The following GABRA3 variants were observed in gnomAD, a reference collection of about 807,000 sequenced individuals.
GABRA3 encodes the protein gamma-aminobutyric acid type A receptor subunit alpha3.
In GABRA3, 10 loss-of-function variants were observed where a neutral mutation model predicts 30.1. The observed-to-expected ratio is 0.33, with a 90% CI of 0.20 to 0.56. GABRA3 has a LOEUF of 0.56. Among genes scored for constraint, GABRA3 ranks in the 20% least tolerant of loss-of-function variants. The pLI is 0.89. For missense variants in GABRA3, 233 were observed against 392.0 expected (o/e 0.59, Z 3.42); for synonymous variants, 151 against 146.8 (o/e 1.03, Z -0.21).
chrX:152,256,051 CA>C, intron 4 of GABRA3, 53 bp from the exon 5 acceptor site: 6 of 905,674 alleles, frequency 6.6e-6, no homozygotes, highest in African/African-American at 1.9e-5. Context: ...GGTAAGGGCT[CA>C]TAGTGCCCTT....
At chrX:152,417,919 A>T (rs1443962702) in intron 1 of GABRA3, among the ~76,000 whole-genome samples, 1 of 99,416 alleles carries the variant, frequency 1.0e-5, no homozygotes, top group Non-Finnish European at 2.0e-5. Flanking sequence ...AGATATACCT[A>T]ATGCTAGATG....
intron 5 of GABRA3, among the ~76,000 whole-genome samples, chrX:152,225,431 C>CGT (rs1491327935): frequency 1.7e-4 from 3 of 17,780 alleles, no homozygotes; most frequent in African/African-American, 4.5e-4. Flanking sequence ...CACACACACA[C>CGT]GCACACACAC....
chrX:152,444,748 G>GTTTTTTTT (rs1569426323), intron 1 of GABRA3, among the ~76,000 whole-genome samples: 1 of 47,725 alleles, frequency 2.1e-5, no homozygotes, highest in Admixed American at 3.4e-4. Context: ...TTTTTTTTTT[G>GTTTTTTTT]TTTTTTTTTG....
At chrX:152,320,225 C>G (rs758013878) in intron 3 of GABRA3, among the ~76,000 whole-genome samples, 3 of 111,576 alleles carry the variant, frequency 2.7e-5, no homozygotes, top group Non-Finnish European at 5.7e-5. Context: ...TACTGGATAT[C>G]TACCCAGAAA....
At chrX:152,233,094 C>A (rs192612290) in intron 5 of GABRA3, among the ~76,000 whole-genome samples, 1 of 110,735 alleles carries the variant, frequency 9.0e-6, no homozygotes, top group African/African-American at 3.3e-5. Flanking sequence ...GGCATTTTAT[C>A]ATGTTTATTG....
Position 152,302,546 on chromosome X carries a change from G to A in GABRA3, c.263-17811C>T, listed in dbSNP as rs540747344. Among the ~76,000 whole-genome samples the A allele has an allele frequency of 1.3e-4, 14 of 111,257 alleles. No homozygotes were observed. In the South Asian group the frequency reaches 5.4e-3, roughly 43 times the overall value. ...ACAAAATTCAGTTATGTTTTATATA[G>A]AGCTTATAAACATAGCCTGAAGGTA... On this transcript the variant is annotated intron_variant, in intron 3 of 9. Coordinates refer to ENST00000370314, the MANE Select transcript of GABRA3 (RefSeq NM_000808.4).
At chrX:152,381,929 T>A (rs1287480103) in intron 1 of GABRA3, among the ~76,000 whole-genome samples, 1 of 111,700 alleles carries the variant, frequency 9.0e-6, no homozygotes, top group Non-Finnish European at 1.9e-5. Flanking sequence ...ATGCGCCACA[T>A]TTTCTTTATC....
At chrX:152,259,763 T>A (rs992207213) in intron 4 of GABRA3, among the ~76,000 whole-genome samples, 3 of 111,435 alleles carry the variant, frequency 2.7e-5, no homozygotes, top group African/African-American at 9.8e-5. Flanking sequence ...GGCCTTGGAT[T>A]AGGCTCTGAG....
chrX:152,284,846 G>A (rs1403419840), intron 3 of GABRA3, 111 bp from the exon 4 acceptor site: 2 of 450,690 alleles, frequency 4.4e-6, no homozygotes, highest in Non-Finnish European at 7.3e-6. Context: ...TTCTGAGAAA[G>A]GAAAACCCCT....
chrX:152,185,449 C>A (rs2124342783), intron 9 of GABRA3, among the ~76,000 whole-genome samples: 1 of 111,421 alleles, frequency 9.0e-6, no homozygotes, highest in South Asian at 3.8e-4. Flanking sequence ...ATGTCTAGCT[C>A]TAGAGTTTCT....
chrX:152,306,741 C>A (rs746856043), intron 3 of GABRA3, among the ~76,000 whole-genome samples: 1 of 112,206 alleles, frequency 8.9e-6, no homozygotes, highest in Non-Finnish European at 1.9e-5. Flanking sequence ...AAATACACTG[C>A]CAATCTGCCA....
intron 3 of GABRA3, among the ~76,000 whole-genome samples, chrX:152,296,295 T>A (rs1939526238): frequency 1.8e-5 from 2 of 112,265 alleles, no homozygotes; most frequent in African/African-American, 6.5e-5. Flanking sequence ...CAGTGACTTA[T>A]GTACAAGCTC....
chrX:152,261,217 A>G (rs1938723416), intron 4 of GABRA3, among the ~76,000 whole-genome samples: 2 of 111,421 alleles, frequency 1.8e-5, no homozygotes, highest in Admixed American at 9.5e-5. Context: ...GGGAACTAAA[A>G]TTCAAGATGA....
chrX:152,338,249 A>G (rs1381427976), intron 3 of GABRA3, among the ~76,000 whole-genome samples: 1 of 111,762 alleles, frequency 8.9e-6, no homozygotes, highest in African/African-American at 3.3e-5. Context: ...ATGATATATA[A>G]CTGTAGTTTC....
Position 152,188,694 on chromosome X carries a change from A to G in GABRA3, c.1143+1036T>C, listed in dbSNP as rs1322152929. 2.7e-5 allele frequency among the ~76,000 whole-genome samples: 3 copies of G among 112,020 alleles called. No individual in the cohort carries two copies. The East Asian group carries it at 8.4e-4, about 31-fold the overall frequency. On this transcript the variant is annotated intron_variant, in intron 9 of 9. Transcript: ENST00000370314. Reference sequence around the variant, plus strand: ...AGCAAGGAGTTAATAAATTTTATCTAAATAGTTAAAAATTGTTCAAAAATT... The same window carrying G: ...AGCAAGGAGTTAATAAATTTTATCTGAATAGTTAAAAATTGTTCAAAAATT...
intron 4 of GABRA3, among the ~76,000 whole-genome samples, chrX:152,280,828 G>A (rs561888270): frequency 3.4e-3 from 381 of 110,661 alleles, no homozygotes; most frequent in South Asian, 0.012. Context: ...CTGGGGAGAG[G>A]GTGAGGTTAA....
intron 1 of GABRA3, among the ~76,000 whole-genome samples, chrX:152,385,787 A>G: frequency 9.0e-6 from 1 of 110,803 alleles, no homozygotes; most frequent in African/African-American, 3.3e-5. Context: ...TAAGGAAGGG[A>G]TCCAGTTTCA....
At chrX:152,232,547 A>G (rs926236004) in intron 5 of GABRA3, among the ~76,000 whole-genome samples, 4 of 109,747 alleles carry the variant, frequency 3.6e-5, no homozygotes, top group Non-Finnish European at 7.6e-5. Context: ...GTTTCACGTA[A>G]GGTAACGACC....
intron 3 of GABRA3, among the ~76,000 whole-genome samples, chrX:152,292,092 T>C (rs1301864143): frequency 8.9e-6 from 1 of 111,832 alleles, no homozygotes; most frequent in Non-Finnish European, 1.9e-5. Flanking sequence ...AAAAAGATGG[T>C]ACCAGCTCCT....
Sources: gnomAD v4.1 joint callset for allele counts (sites outside exome capture counted in the v4.1 genomes callset) on GRCh38, gnomAD v4.1.1 for gene constraint, MANE v1.5 for transcripts, NCBI Gene and HGNC (gene_info 2026-07-23, HGNC 2026-07-21) for gene names.